CWC27: variants seen among roughly 807,000 people sequenced by gnomAD.
CWC27 encodes the protein CWC27 spliceosome associated cyclophilin, also known as spliceosome-associated protein CWC27 homolog.
CWC27 carries 47 observed loss-of-function variants against 63.6 expected under a neutral mutation model. The observed-to-expected ratio is 0.74, with a 90% confidence interval of 0.58 to 0.94. CWC27 has a LOEUF of 0.94. CWC27 is among the 40% of genes least tolerant of loss of function. The pLI, the probability that CWC27 is intolerant of heterozygous loss-of-function variation, is 0.00. For missense variants in CWC27, 495 were observed against 554.3 expected, an observed-to-expected ratio of 0.89 and a Z score of 1.07; for synonymous variants, 175 against 179.8, an observed-to-expected ratio of 0.97 and a Z score of 0.22.
intron 10 of CWC27, among the ~76,000 whole-genome samples, chr5:64,880,985 T>C (rs961110940): frequency 5.3e-5 from 8 of 151,660 alleles, no homozygotes; most frequent in Non-Finnish European, 8.8e-5. Context: ...AGCTTACAAT[T>C]TTAATTCTCA....
intron 11 of CWC27, among the ~76,000 whole-genome samples, chr5:64,956,717 A>G (rs1456095052): frequency 6.6e-6 from 1 of 152,060 alleles, no homozygotes; most frequent in Non-Finnish European, 1.5e-5. Context: ...TACCACCATA[A>G]CTGTTTGCAC....
At chr5:64,876,793 A>G (rs780057356) in intron 10 of CWC27, among the ~76,000 whole-genome samples, 10 of 152,088 alleles carry the variant, frequency 6.6e-5, no homozygotes, top group Non-Finnish European at 1.2e-4. Context: ...GAAAATGAAA[A>G]AAGCATCTGG....
chr5:64,896,805 T>A (rs1486543386), intron 11 of CWC27, among the ~76,000 whole-genome samples: 1 of 152,150 alleles, frequency 6.6e-6, no homozygotes, highest in East Asian at 1.9e-4. Context: ...GCTGTATCAA[T>A]AGTTGTATTG....
intron 10 of CWC27, among the ~76,000 whole-genome samples, chr5:64,838,309 C>A (rs951631491): frequency 1.3e-5 from 2 of 152,022 alleles, no homozygotes; most frequent in African/African-American, 4.8e-5. Context: ...GAAACAGATG[C>A]AATATATCAG....
intron 11 of CWC27, among the ~76,000 whole-genome samples, chr5:64,971,461 A>G (rs6897202): frequency 0.066 from 10,013 of 152,272 alleles, 832 homozygotes; most frequent in African/African-American, 0.19. Flanking sequence ...TGAGAAGAAC[A>G]ATTACAATAG....
chr5:64,923,358 G>A (rs1748035609), intron 11 of CWC27, among the ~76,000 whole-genome samples: 1 of 151,928 alleles, frequency 6.6e-6, no homozygotes, highest in Non-Finnish European at 1.5e-5. Flanking sequence ...GGGAAAGACA[G>A]TCGGGCTCCC....
intron 1 of CWC27, among the ~76,000 whole-genome samples, chr5:64,772,048 T>C (rs1327972505): frequency 6.6e-6 from 1 of 152,204 alleles, no homozygotes; most frequent in East Asian, 1.9e-4. Flanking sequence ...AAAGATATTA[T>C]TATCCCGTTT....
At chr5:64,907,176 TA>T (rs1747664265) in intron 11 of CWC27, among the ~76,000 whole-genome samples, 1 of 152,226 alleles carries the variant, frequency 6.6e-6, no homozygotes, top group African/African-American at 2.4e-5. Context: ...ATATGAACTT[TA>T]AAGTAGTTTT....
At chr5:64,859,143 G>A (rs1279177900) in intron 10 of CWC27, among the ~76,000 whole-genome samples, 1 of 152,184 alleles carries the variant, frequency 6.6e-6, no homozygotes, top group Non-Finnish European at 1.5e-5. Context: ...TTTGTGTTGA[G>A]TGAAGAAGCC....
intron 10 of CWC27, among the ~76,000 whole-genome samples, chr5:64,839,207 A>T (rs1745740282): frequency 6.6e-6 from 1 of 152,202 alleles, no homozygotes; most frequent in Non-Finnish European, 1.5e-5. Context: ...ATTTAGATAT[A>T]TGAGGACAAA....
intron 6 of CWC27, 44 bp from the exon 7 acceptor site, chr5:64,788,907 G>T: frequency 3.7e-6 from 5 of 1,340,772 alleles, no homozygotes; most frequent in Admixed American, 2.1e-5. Flanking sequence ...AGTTTGATTT[G>T]ACTTTCTCTT....
At chr5:64,771,276 G>A (rs571005438) in intron 1 of CWC27, among the ~76,000 whole-genome samples, 15 of 152,194 alleles carry the variant, frequency 9.9e-5, no homozygotes, top group Non-Finnish European at 1.9e-4. Flanking sequence ...TTCAACGAAT[G>A]TTTATTGCCT....
chr5:65,003,809 G>A (rs1237989071), intron 13 of CWC27, among the ~76,000 whole-genome samples: 2 of 150,108 alleles, frequency 1.3e-5, no homozygotes, highest in African/African-American at 4.9e-5. Flanking sequence ...TTGATGCTTT[G>A]CTCTTGGTGT....
At chr5:64,977,796 C>T (rs1334651762) in intron 13 of CWC27, among the ~76,000 whole-genome samples, 1 of 151,766 alleles carries the variant, frequency 6.6e-6, no homozygotes, top group African/African-American at 2.4e-5. Context: ...TTGCTTAGAA[C>T]TTTATCCTAT....
chr5:64,995,691 C>T (rs1376357005), intron 13 of CWC27, among the ~76,000 whole-genome samples: 2 of 152,056 alleles, frequency 1.3e-5, no homozygotes, highest in African/African-American at 4.8e-5. Flanking sequence ...TATTATTTTA[C>T]ATTGATTTCT....
At chr5:65,000,033 T>C (rs1340081895) in intron 13 of CWC27, among the ~76,000 whole-genome samples, 1 of 152,016 alleles carries the variant, frequency 6.6e-6, no homozygotes, top group Non-Finnish European at 1.5e-5. Flanking sequence ...ACCATTCTAA[T>C]TGGGGTGAGA....
chr5:64,815,304 C>G (rs1744995306), intron 10 of CWC27, among the ~76,000 whole-genome samples: 1 of 152,166 alleles, frequency 6.6e-6, no homozygotes, highest in Non-Finnish European at 1.5e-5. Flanking sequence ...TGCTCCACAT[C>G]ATCTTCATTC....
At chr5:64,837,914 A>T (rs2112274083) in intron 10 of CWC27, among the ~76,000 whole-genome samples, 1 of 152,226 alleles carries the variant, frequency 6.6e-6, no homozygotes, top group East Asian at 1.9e-4. Flanking sequence ...TGTCATACCT[A>T]AAAAGTTGAA....
intron 10 of CWC27, among the ~76,000 whole-genome samples, chr5:64,879,580 G>A (rs1746887214): frequency 6.6e-6 from 1 of 151,778 alleles, no homozygotes; most frequent in African/African-American, 2.4e-5. Flanking sequence ...AATAGCAGAG[G>A]GGCAAAGTGG....
Sources: gnomAD v4.1 joint callset for allele counts (sites outside exome capture counted in the v4.1 genomes callset) on GRCh38, gnomAD v4.1.1 for gene constraint, MANE v1.5 for transcripts, NCBI Gene and HGNC (gene_info 2026-07-23, HGNC 2026-07-21) for gene names.